The following TFG variants were observed in gnomAD, a reference collection of about 807,000 sequenced individuals.
TFG encodes protein TFG.
Under a neutral mutation model 51.4 loss-of-function variants are expected in TFG, and 22 were observed. That is an observed-to-expected ratio of 0.43 (90% confidence interval 0.31 to 0.61). The LOEUF (loss-of-function observed/expected upper bound fraction) is 0.61. Ranked by LOEUF, TFG falls within the 20% of genes least tolerant of loss-of-function variation. The pLI is 0.12. For synonymous variants in TFG, 187 were observed against 165.6 expected, an observed-to-expected ratio of 1.13 and a Z score of -0.99; for missense variants, 419 against 487.7, an observed-to-expected ratio of 0.86 and a Z score of 1.33.
chr3:100,724,543 A>C (rs1026136729), intron 3 of TFG, among the ~76,000 whole-genome samples: 1 of 152,238 alleles, frequency 6.6e-6, no homozygotes, highest in Non-Finnish European at 1.5e-5. Flanking sequence ...TAAGGAACAG[A>C]TGATTCTAAA....
At chr3:100,717,930 A>AT (rs1044978974) in intron 2 of TFG, among the ~76,000 whole-genome samples, 3 of 149,006 alleles carry the variant, frequency 2.0e-5, no homozygotes, top group Non-Finnish European at 3.0e-5. Flanking sequence ...TTTATTTTTT[A>AT]TTTTTTTGTC....
chr3:100,721,209 A>C (rs1282120100), intron 3 of TFG, among the ~76,000 whole-genome samples: 1 of 152,218 alleles, frequency 6.6e-6, no homozygotes, highest in Non-Finnish European at 1.5e-5. Flanking sequence ...CTGCTAGATA[A>C]ACTTACAAAT....
At chr3:100,745,748 C>T (rs1413060353) in intron 7 of TFG, among the ~76,000 whole-genome samples, 2 of 152,174 alleles carry the variant, frequency 1.3e-5, no homozygotes, top group Admixed American at 1.3e-4. Context: ...TCAGCTAGAG[C>T]AGGAGTCAGT....
chr3:100,741,234 C>T (rs1256834906), intron 6 of TFG, among the ~76,000 whole-genome samples: 2 of 152,030 alleles, frequency 1.3e-5, no homozygotes, highest in Admixed American at 6.6e-5. Flanking sequence ...CGGAAGAAGG[C>T]ATTGTTATCA....
At chr3:100,713,558 A>G (rs1475902613) in intron 1 of TFG, 85 bp from the exon 2 acceptor site, 18 of 534,204 alleles carry the variant, frequency 3.4e-5, no homozygotes, top group Admixed American at 7.6e-5. Context: ...TTTGGAGGCT[A>G]GAGTTTCTTA....
chr3:100,724,511 G>A (rs2095069479), intron 3 of TFG, among the ~76,000 whole-genome samples: 2 of 152,008 alleles, frequency 1.3e-5, no homozygotes, highest in South Asian at 2.1e-4. Context: ...AAGAAATTGG[G>A]CCAACTATTT....
intron 5 of TFG, among the ~76,000 whole-genome samples, chr3:100,736,168 T>C (rs1468150432): frequency 1.3e-5 from 2 of 152,088 alleles, no homozygotes; most frequent in South Asian, 2.1e-4. Flanking sequence ...TTGTGAGAAA[T>C]AATGTTTGGA....
chr3:100,732,568 A>G lies in TFG; in HGVS notation c.476A>G (p.Gln159Arg). 2 of 1,612,844 alleles carry G rather than the reference A, an allele frequency of 1.2e-6. No homozygotes were observed. Among genetic ancestry groups the G allele is most frequent in the Non-Finnish European group, 1.7e-6 (2 of 1,179,304 alleles). ...ASDSSGKQST[Q>R]VMAASMSAFD... ...GATTCTTCTGGAAAACAGTCTACTC[A>G]GGTTATGGCAGCAAGTATGTCTGCT... The change falls in exon 5 of 8, where the codon CAG becomes CGG. Residue 159 changes from glutamine to arginine, a missense_variant. Coordinates refer to ENST00000240851, the MANE Select transcript of TFG (RefSeq NM_006070.6).
chr3:100,732,441 A>T, intron 4 of TFG, 67 bp from the exon 5 acceptor site: 1 of 1,135,854 alleles, frequency 8.8e-7, no homozygotes, highest in Non-Finnish European at 1.3e-6. Context: ...TTTCCCTTGT[A>T]CTTTTAGGCC....
At chr3:100,726,710 G>A (rs2149075635) in intron 3 of TFG, among the ~76,000 whole-genome samples, 1 of 152,264 alleles carries the variant, frequency 6.6e-6, no homozygotes, top group African/African-American at 2.4e-5. Context: ...CTGACTTACT[G>A]CAGCAAGGGA....
intron 4 of TFG, among the ~76,000 whole-genome samples, chr3:100,729,892 A>C (rs536190743): frequency 2.0e-4 from 31 of 152,212 alleles, no homozygotes; most frequent in Admixed American, 5.2e-4. Flanking sequence ...ATGTTTAATA[A>C]ATATTTGGTG....
chr3:100,739,581 A>G (rs1297811258), intron 6 of TFG, among the ~76,000 whole-genome samples: 2 of 152,166 alleles, frequency 1.3e-5, no homozygotes, highest in Non-Finnish European at 2.9e-5. Flanking sequence ...AATCTTTAAA[A>G]TCATATGCCA....
chr3:100,746,270 T>C (rs2095134611), intron 7 of TFG, among the ~76,000 whole-genome samples: 1 of 152,170 alleles, frequency 6.6e-6, no homozygotes, highest in South Asian at 2.1e-4. Flanking sequence ...GGGGAGGCTA[T>C]GTGTGGGGCC....
Position 100,745,140 on chromosome 3 carries a change from T to C in TFG, c.820+209T>C, listed in dbSNP as rs13092027. On this transcript the variant is annotated intron_variant, in intron 7 of 7. Coordinates refer to ENST00000240851, the MANE Select transcript of TFG (RefSeq NM_006070.6). ...CAGTTTTCTGGTGGGGAGATAAAAC[T>C]TACAGTAGATGATTCTGCAGTAACT... Among the ~76,000 whole-genome samples, 56,596 of 152,030 alleles carry C rather than the reference T, an allele frequency of 0.37. 10,752 individuals carry two copies. Among genetic ancestry groups the C allele is most frequent in the South Asian group, 0.49 (2,348 of 4,822 alleles).
chr3:100,743,803 C>CTT (rs570287832), intron 6 of TFG: 3,943 of 146,770 alleles, frequency 0.027, 169 homozygotes, highest in African/African-American at 0.092. Flanking sequence ...GATATAATGT[C>CTT]TTTTTTTTTT....
chr3:100,712,179 T>C (rs552017175), intron 1 of TFG, among the ~76,000 whole-genome samples: 1 of 152,182 alleles, frequency 6.6e-6, no homozygotes, highest in Admixed American at 6.5e-5. Context: ...GATATTAATT[T>C]AAGGACTAGT....
intron 5 of TFG, among the ~76,000 whole-genome samples, chr3:100,734,220 T>G (rs2095099966): frequency 6.6e-6 from 1 of 152,202 alleles, no homozygotes; most frequent in Non-Finnish European, 1.5e-5. Flanking sequence ...TTGATAACTT[T>G]CACATACTCA....
chr3:100,710,982 A>C (rs2095029438), intron 1 of TFG: 1 of 152,252 alleles, frequency 6.6e-6, no homozygotes, highest in East Asian at 1.9e-4. Flanking sequence ...TGACTGCAAG[A>C]GCAAACGACA....
chr3:100,734,350 C>G (rs1425732037), intron 5 of TFG, among the ~76,000 whole-genome samples: 1 of 152,098 alleles, frequency 6.6e-6, no homozygotes, highest in African/African-American at 2.4e-5. Flanking sequence ...CGTCTGCTCT[C>G]CCAGCCCTAT....
Sources: gnomAD v4.1 joint callset for allele counts (sites outside exome capture counted in the v4.1 genomes callset) on GRCh38, gnomAD v4.1.1 for gene constraint, MANE v1.5 for transcripts, NCBI Gene and HGNC (gene_info 2026-07-23, HGNC 2026-07-21) for gene names.